Variants in NAA11 observed in about 807,000 individuals in gnomAD.
NAA11 encodes N-alpha-acetyltransferase 11, NatA catalytic subunit.
A neutral mutation model predicts 16.1 loss-of-function variants in NAA11; 15 were observed. The ratio of observed to expected loss-of-function variants is 0.93; its 90% CI spans 0.62 to 1.44. The LOEUF is 1.44. Among genes scored for constraint, NAA11 ranks in the 40% most tolerant of loss-of-function variants. The probability of loss-of-function intolerance (pLI) is 0.00; values close to 1 mark genes in which losing one functional copy is unlikely to be tolerated. For missense variants in NAA11, 298 were observed against 291.3 expected, an observed-to-expected ratio of 1.02 and a Z score of -0.17; for synonymous variants, 122 against 112.4, an observed-to-expected ratio of 1.09 and a Z score of -0.54.
chr4:79,216,879 A>G, the NAA11 span, among the ~76,000 whole-genome samples: 1 of 152,152 alleles, frequency 6.6e-6, no homozygotes, highest in Non-Finnish European at 1.5e-5. Flanking sequence ...ATTAACATGT[A>G]TTCTGTTTTC....
chr4:79,228,448 A>G (rs924218963), intron 2 of NAA11, among the ~76,000 whole-genome samples: 9 of 152,062 alleles, frequency 5.9e-5, no homozygotes, highest in East Asian at 1.9e-4. Context: ...CAATCAAAAT[A>G]TAGAACAGTT....
At chr4:79,306,444 C>T (rs1292039961) in intron 1 of NAA11, among the ~76,000 whole-genome samples, 3 of 152,124 alleles carry the variant, frequency 2.0e-5, no homozygotes, top group Non-Finnish European at 4.4e-5. Context: ...CTAATCTCCT[C>T]TTATTATAAG....
chr4:79,269,950 T>C (rs986010622), intron 2 of NAA11, among the ~76,000 whole-genome samples: 4 of 152,186 alleles, frequency 2.6e-5, no homozygotes, highest in Non-Finnish European at 5.9e-5. Context: ...CACCATAGTA[T>C]TAAATAGGGA....
intron 1 of NAA11, among the ~76,000 whole-genome samples, chr4:79,318,253 A>C (rs1723986080): frequency 6.6e-6 from 1 of 152,202 alleles, no homozygotes; most frequent in African/African-American, 2.4e-5. Flanking sequence ...AATGTGTCCA[A>C]CTCTATAAGT....
chr4:79,233,718 C>T (rs1264429318), intron 2 of NAA11, among the ~76,000 whole-genome samples: 1 of 152,000 alleles, frequency 6.6e-6, no homozygotes, highest in East Asian at 1.9e-4. Flanking sequence ...ATAAAATTAC[C>T]TTTTCCTGCA....
At chr4:79,168,318 C>A in the NAA11 span, among the ~76,000 whole-genome samples, 2 of 152,186 alleles carry the variant, frequency 1.3e-5, no homozygotes, top group Non-Finnish European at 2.9e-5. Flanking sequence ...GTGAACAGTG[C>A]CACAATAAAC....
the NAA11 span, among the ~76,000 whole-genome samples, chr4:79,187,023 AT>A: frequency 6.6e-6 from 1 of 152,326 alleles, no homozygotes; most frequent in East Asian, 1.9e-4. Flanking sequence ...GGTTGAGTGC[AT>A]ATTCTTTGTC....
chr4:79,183,959 C>T, the NAA11 span, among the ~76,000 whole-genome samples: 1 of 150,014 alleles, frequency 6.7e-6, no homozygotes, highest in Non-Finnish European at 1.5e-5. Flanking sequence ...TTGTGCTCTA[C>T]CTTGACAACA....
chr4:79,302,841 G>A (rs1723431809), intron 1 of NAA11, among the ~76,000 whole-genome samples: 1 of 151,860 alleles, frequency 6.6e-6, no homozygotes, highest in Non-Finnish European at 1.5e-5. Context: ...GGAAATGGAA[G>A]AGAAACAAGA....
chr4:79,174,932 A>G, the NAA11 span, among the ~76,000 whole-genome samples: 2 of 152,108 alleles, frequency 1.3e-5, no homozygotes, highest in Non-Finnish European at 2.9e-5. Flanking sequence ...AAATTGAATA[A>G]TATTATTTCT....
the NAA11 span, among the ~76,000 whole-genome samples, chr4:79,167,270 TAGAGAGAGAGAG>T: frequency 2.0e-5 from 2 of 98,484 alleles, no homozygotes; most frequent in African/African-American, 7.9e-5. Flanking sequence ...TATATATATA[TAGAGAGAGAGAG>T]AGAGAGAGAG....
the NAA11 span, among the ~76,000 whole-genome samples, chr4:79,193,041 T>G: frequency 6.6e-6 from 1 of 152,078 alleles, no homozygotes; most frequent in African/African-American, 2.4e-5. Context: ...GAGAAGTGTC[T>G]GTTCATATCC....
chr4:79,264,423 A>G (rs987441539), intron 2 of NAA11, among the ~76,000 whole-genome samples: 3 of 152,146 alleles, frequency 2.0e-5, no homozygotes, highest in African/African-American at 7.2e-5. Flanking sequence ...TTGATCTATC[A>G]TTCTCCTTCA....
At chr4:79,159,209 A>G in the NAA11 span, among the ~76,000 whole-genome samples, 1 of 152,250 alleles carries the variant, frequency 6.6e-6, no homozygotes. Context: ...ACTAATATGC[A>G]GAATCTACAA....
intron 2 of NAA11, among the ~76,000 whole-genome samples, chr4:79,241,816 G>C (rs1578157692): frequency 6.6e-6 from 1 of 152,224 alleles, no homozygotes; most frequent in Non-Finnish European, 1.5e-5. Flanking sequence ...TGGTATGGAA[G>C]CTCAAATGTG....
intron 2 of NAA11, among the ~76,000 whole-genome samples, chr4:79,286,095 T>C (rs1376421345): frequency 6.6e-6 from 1 of 152,108 alleles, no homozygotes; most frequent in Non-Finnish European, 1.5e-5. Flanking sequence ...TACTCTGAAA[T>C]TTTACTGTCT....
chr4:79,289,495 T>A (rs1022742794), intron 2 of NAA11, among the ~76,000 whole-genome samples: 3 of 152,258 alleles, frequency 2.0e-5, no homozygotes, highest in Admixed American at 6.5e-5. Flanking sequence ...GCAATAGTTC[T>A]ATGTGCTTTA....
At chr4:79,222,482 CA>C (rs1241450483), downstream of NAA11, among the ~76,000 whole-genome samples, 1 of 150,306 alleles carries the variant, frequency 6.7e-6, no homozygotes, top group Non-Finnish European at 1.5e-5. Flanking sequence ...ACACCTTATA[CA>C]AAAATCAATT....
In NAA11 at chr4:79,248,461, C is replaced by T. The variant is rs186217814; in HGVS notation, c.*123-22191G>A. On this transcript the variant is annotated intron_variant and NMD_transcript_variant, in intron 2 of 2. Transcript: ENST00000511542. The stretch of plus-strand genomic sequence containing the variant: ...GGCTGCCAGTGTGAGCACACTCTGC[C>T]CCCTGCTGTGCCACCATTGACAACA... 2.6e-5 allele frequency among the ~76,000 whole-genome samples: 4 copies of T among 152,284 alleles called. No individual in the cohort carries two copies. In the East Asian group the frequency reaches 7.7e-4, roughly 29 times the overall value.
Sources: gnomAD v4.1 joint callset for allele counts (sites outside exome capture counted in the v4.1 genomes callset) on GRCh38, gnomAD v4.1.1 for gene constraint, MANE v1.5 for transcripts, NCBI Gene and HGNC (gene_info 2026-07-23, HGNC 2026-07-21) for gene names.